Variants in ARL6IP5 observed in about 807,000 individuals in gnomAD.
The protein encoded by ARL6IP5 is PRA1 family protein 3.
ARL6IP5 carries 6 observed loss-of-function variants against 13.0 expected under a neutral mutation model. That is an observed-to-expected ratio of 0.46 (90% CI 0.25 to 0.91). The LOEUF (loss-of-function observed/expected upper bound fraction) is 0.91, where lower values mean the gene tolerates loss of function less well. Among genes scored for constraint, ARL6IP5 ranks in the 40% least tolerant of loss-of-function variants. The pLI is 0.17. For missense variants in ARL6IP5, 208 were observed against 248.8 expected (o/e 0.84, Z 1.10); for synonymous variants, 91 against 91.9 (o/e 0.99, Z 0.06).
At chr3:69,104,388 A>G in intron 2 of ARL6IP5, 76 bp from the exon 3 acceptor site, 1 of 1,432,288 alleles carries the variant, frequency 7.0e-7, no homozygotes, top group South Asian at 1.3e-5. Context: ...TAATAGTGTG[A>G]AGAGAGGGAG....
At chr3:69,092,693 A>G (rs1004055757) in intron 1 of ARL6IP5, among the ~76,000 whole-genome samples, 5 of 151,978 alleles carry the variant, frequency 3.3e-5, no homozygotes, top group Non-Finnish European at 5.9e-5. Context: ...TAATTTTTGT[A>G]TTTTTAAGTA....
At chr3:69,103,124 G>A (rs1255302776) in intron 2 of ARL6IP5, among the ~76,000 whole-genome samples, 1 of 152,154 alleles carries the variant, frequency 6.6e-6, no homozygotes, top group African/African-American at 2.4e-5. Context: ...ATACCCTATT[G>A]GATAAAATAT....
At chr3:69,095,105 T>C (rs1173457391) in intron 1 of ARL6IP5, among the ~76,000 whole-genome samples, 2 of 152,210 alleles carry the variant, frequency 1.3e-5, no homozygotes, top group South Asian at 4.1e-4. Flanking sequence ...GAATGGGTTC[T>C]ACTGTGAGTT....
intron 1 of ARL6IP5, among the ~76,000 whole-genome samples, chr3:69,099,807 G>T (rs148333892): frequency 6.6e-6 from 1 of 152,258 alleles, no homozygotes; most frequent in Non-Finnish European, 1.5e-5. Context: ...TTAGCCTCTA[G>T]GGTAAAAAGT....
intron 1 of ARL6IP5, among the ~76,000 whole-genome samples, chr3:69,091,407 G>C (rs1243541046): frequency 6.6e-6 from 1 of 151,964 alleles, no homozygotes; most frequent in African/African-American, 2.4e-5. Flanking sequence ...TGATCCTCCT[G>C]CCTCAGCATC....
intron 1 of ARL6IP5, among the ~76,000 whole-genome samples, chr3:69,097,953 T>C (rs1202511092): frequency 1.3e-5 from 2 of 152,224 alleles, no homozygotes; most frequent in East Asian, 1.9e-4. Flanking sequence ...TGGACTTTTG[T>C]GGTTGGTCTG....
In ARL6IP5 at chr3:69,101,821, T is replaced by C. The variant is rs2092306204; in HGVS notation, c.177-18T>C. The C allele has an allele frequency of 6.2e-7, 1 of 1,603,114 alleles. No homozygotes were observed. Reference sequence around the variant, plus strand: ...TGCTGAACTAGTCACCCCTCATTTTTTCTTCCTCATATTTCAGGTTTCTGA... The same window carrying C: ...TGCTGAACTAGTCACCCCTCATTTTCTCTTCCTCATATTTCAGGTTTCTGA... On this transcript the variant is annotated intron_variant, in intron 1 of 2. Transcript: ENST00000273258.
At chr3:69,094,080 T>G (rs937861) in intron 1 of ARL6IP5, among the ~76,000 whole-genome samples, 529 of 152,314 alleles carry the variant, frequency 3.5e-3, no homozygotes, top group African/African-American at 0.012. Context: ...TCTGCCTGAT[T>G]CACCTCACCC....
In ARL6IP5 at chr3:69,106,057, A is replaced by C. The variant is rs1009835723; in HGVS notation, c.*1421A>C. 6.6e-6 allele frequency: 1 copy of C among 152,236 alleles called. No homozygotes were observed. The highest frequency in any genetic ancestry group is 2.4e-5 in the African/African-American group (1 of 41,470). 9.4% of individuals were successfully genotyped at this position (152,236 alleles called of 1,614,324 possible). On this transcript the variant is annotated 3_prime_UTR_variant, in exon 3 of 3. Coordinates refer to ENST00000273258, the MANE Select transcript of ARL6IP5 (RefSeq NM_006407.4). The stretch of plus-strand genomic sequence containing the variant: ...TACCCACATATGAAGAATAAAATTG[A>C]TTAAAGGTTTTTTTGGTGAGACTTT...
chr3:69,102,580 G>T (rs1459513812), intron 2 of ARL6IP5, among the ~76,000 whole-genome samples: 2 of 152,096 alleles, frequency 1.3e-5, no homozygotes, highest in Non-Finnish European at 2.9e-5. Flanking sequence ...CATTCTTATG[G>T]GGACACAACA....
chr3:69,098,057 TATACTA>T (rs1406711332), intron 1 of ARL6IP5, among the ~76,000 whole-genome samples: 1 of 151,934 alleles, frequency 6.6e-6, no homozygotes, highest in African/African-American at 2.4e-5. Context: ...TATGAAATAA[TATACTA>T]ATTATAGAAA....
intron 1 of ARL6IP5, among the ~76,000 whole-genome samples, chr3:69,099,126 G>C (rs960088229): frequency 2.9e-5 from 3 of 101,720 alleles, no homozygotes; most frequent in African/African-American, 1.6e-4. Flanking sequence ...GGAGGCTGAG[G>C]GGCGGGGGGG....
intron 2 of ARL6IP5, among the ~76,000 whole-genome samples, 200 bp from the exon 3 acceptor site, chr3:69,104,264 A>G (rs2092315261): frequency 6.6e-6 from 1 of 152,028 alleles, no homozygotes; most frequent in Non-Finnish European, 1.5e-5. Context: ...TTTAATGCAG[A>G]AAAAAAACTA....
chr3:69,104,618 C>A lies in ARL6IP5; in HGVS notation c.549C>A (p.Ile183=), dbSNP rs752158098. 6.2e-7 allele frequency: 1 copy of A among 1,613,200 alleles called. No homozygotes were observed. Among genetic ancestry groups the A allele is most frequent in the Admixed American group, 1.7e-5 (1 of 59,666 alleles). ...EEGINRLTDY[I]SKVKE is the part of the protein sequence containing the mutation. ...GCATCAACAGACTCACTGACTATATCAGCAAAGTGAAGGAATAAACATAAC... is the reference window on the plus strand; with the variant it reads ...GCATCAACAGACTCACTGACTATATAAGCAAAGTGAAGGAATAAACATAAC... Residue 183 remains isoleucine, a synonymous_variant, in exon 3 of 3, where the codon ATC becomes ATA. Transcript: ENST00000273258.
chr3:69,098,869 G>A (rs1437400975), intron 1 of ARL6IP5, among the ~76,000 whole-genome samples: 1 of 151,904 alleles, frequency 6.6e-6, no homozygotes, highest in Non-Finnish European at 1.5e-5. Flanking sequence ...TGGTATTGTT[G>A]GCCATATAGG....
At chr3:69,092,467 G>T (rs2092271012) in intron 1 of ARL6IP5, among the ~76,000 whole-genome samples, 1 of 152,070 alleles carries the variant, frequency 6.6e-6, no homozygotes, top group Non-Finnish European at 1.5e-5. Context: ...GTTCTCAGTA[G>T]CTTTTGTTTG....
chr3:69,102,195 G>T, intron 2 of ARL6IP5, 139 bp downstream of exon 2: 1 of 855,596 alleles, frequency 1.2e-6, no homozygotes, highest in Non-Finnish European at 1.8e-6. Context: ...CTTTCTACTT[G>T]TTATCCAACT....
intron 1 of ARL6IP5, among the ~76,000 whole-genome samples, chr3:69,096,635 G>A (rs1315220520): frequency 2.9e-4 from 34 of 115,748 alleles, no homozygotes; most frequent in African/African-American, 1.1e-3. Flanking sequence ...ACGGAATCTC[G>A]CTCTGTCACC....
At chr3:69,096,579 G>C (rs1266408277) in intron 1 of ARL6IP5, among the ~76,000 whole-genome samples, 1 of 140,730 alleles carries the variant, frequency 7.1e-6, no homozygotes, top group African/African-American at 2.6e-5. Context: ...GTGTTGATTT[G>C]ATCTTTGTTT....
Sources: allele counts gnomAD v4.1 joint callset (sites outside exome capture counted in the v4.1 genomes callset), GRCh38; gene constraint gnomAD v4.1.1; transcripts MANE v1.5; gene names NCBI Gene and HGNC (gene_info 2026-07-23, HGNC 2026-07-21).